Variants in REN observed in about 807,000 individuals in gnomAD.
REN encodes renin.
Under a neutral mutation model 48.6 loss-of-function variants are expected in REN, and 42 were observed. The observed-to-expected ratio is 0.86, with a 90% CI of 0.68 to 1.12. REN has a LOEUF of 1.12. REN is among the 50% of genes most tolerant of loss of function. REN has a pLI of 0.00. For missense variants in REN, 443 were observed against 527.3 expected, an observed-to-expected ratio of 0.84 and a Z score of 1.57; for synonymous variants, 196 against 204.6, an observed-to-expected ratio of 0.96 and a Z score of 0.36.
In REN at chr1:204,155,847, C is replaced by G; in HGVS notation, c.1032G>C (p.Thr344=). 1 of 1,614,034 alleles carries G rather than the reference C, an allele frequency of 6.2e-7. No individual in the cohort carries two copies. Among genetic ancestry groups the G allele is most frequent in the Non-Finnish European group, 8.5e-7 (1 of 1,179,982 alleles). Reference sequence around the variant, plus strand: ...GAAATACATAGTCCGCGCTGGTGAGCGTGTATTCTTTGCCTCCCAGGTGGA... The same window carrying G: ...GAAATACATAGTCCGCGCTGGTGAGGGTGTATTCTTTGCCTCCCAGGTGGA... ...ISFHLGGKEY[T]LTSADYVFQE... is the part of the protein sequence containing the mutation. Residue 344 remains threonine, a synonymous_variant, in exon 9 of 10, where the codon ACG becomes ACC. Transcript: ENST00000272190.
intron 1 of REN, among the ~76,000 whole-genome samples, chr1:204,164,744 T>C (rs551580721): frequency 1.3e-5 from 2 of 151,308 alleles, no homozygotes; most frequent in South Asian, 4.2e-4. Flanking sequence ...CTAATTTTTG[T>C]ATTTGTACAG....
chr1:204,161,386 G>A lies in REN; in HGVS notation c.279C>T (p.Gly93=). 1 of 1,599,292 alleles carries A rather than the reference G, an allele frequency of 6.3e-7. No individual in the cohort carries two copies. The highest frequency in any genetic ancestry group is 1.7e-5 in the Admixed American group (1 of 58,548). ...CGACTTTGAAGGTCTGGGGTGGGGT[G>A]CCGATGCCAATCTCGCCATAGTACT... ...DTQYYGEIGI[G]TPPQTFKVVF... Residue 93 remains glycine, a synonymous_variant, in exon 3 of 10, where the codon GGC becomes GGT. Transcript: ENST00000272190.
intron 1 of REN, among the ~76,000 whole-genome samples, chr1:204,165,208 T>A (rs551253498): frequency 9.2e-5 from 14 of 152,272 alleles, no homozygotes; most frequent in African/African-American, 3.4e-4. Context: ...TGACCTCGGG[T>A]GATCTGCCCC....
At position 204,154,840 on chromosome 1, in the gene REN, C is replaced by T; in HGVS notation, c.*176G>A. 1.4e-6 allele frequency: 1 copy of T among 708,138 alleles called. No homozygotes were observed. The allele number at this position is 708,138 out of a possible 1,614,324, so 43.9% of individuals were successfully genotyped here. On this transcript the variant is annotated 3_prime_UTR_variant, in exon 10 of 10. Coordinates refer to ENST00000272190, the MANE Select transcript of REN (RefSeq NM_000537.4). ...AGGCTGTGAACATGAAGTCTTTATT[C>T]TCTTTGTCCTCAAAGCAGGGAAGGG...
At chr1:204,160,744 G>T in intron 3 of REN, 66 bp from the exon 4 acceptor site, 2 of 1,144,640 alleles carry the variant, frequency 1.7e-6, no homozygotes, top group Non-Finnish European at 2.7e-6. Context: ...CAGAGGCAGG[G>T]TGCATTGTGG....
intron 1 of REN, among the ~76,000 whole-genome samples, chr1:204,165,617 G>A (rs1162190276): frequency 6.6e-6 from 1 of 151,124 alleles, no homozygotes; most frequent in African/African-American, 2.4e-5. Flanking sequence ...TTTTGAGATG[G>A]AGTCTTGTTC....
At chr1:204,165,704 C>T (rs6674952) in intron 1 of REN, among the ~76,000 whole-genome samples, 31,335 of 151,952 alleles carry the variant, frequency 0.21, 4,417 homozygotes, top group African/African-American at 0.41. Flanking sequence ...GATTCTCCTG[C>T]CTCAGCTTCC....
chr1:204,155,168 T>A lies in REN; in HGVS notation c.1069A>T (p.Ser357Cys). 2 of 1,614,138 alleles carry A rather than the reference T, an allele frequency of 1.2e-6. No individual in the cohort carries two copies. Among genetic ancestry groups the A allele is most frequent in the Non-Finnish European group, 1.7e-6 (2 of 1,179,978 alleles). Residue 357 changes from serine (S) to cysteine (C), a missense_variant, in exon 10 of 10, where the codon AGT becomes TGT. Coordinates refer to ENST00000272190, the MANE Select transcript of REN (RefSeq NM_000537.4). Reference protein sequence around the residue: ...SADYVFQESYSSKKLCTLAIH... With the variant: ...SADYVFQESYCSKKLCTLAIH... ...GCCAGTGTGCACAGCTTTTTACTAC[T>A]GTAGGATTCCTGGCAGGAAGGGGGA...
chr1:204,161,894 G>A, intron 2 of REN, 119 bp downstream of exon 2: 1 of 1,283,846 alleles, frequency 7.8e-7, no homozygotes, highest in South Asian at 1.4e-5. Flanking sequence ...GTGCTCACGT[G>A]CTACTCAGCG....
At chr1:204,162,239 C>A (rs1289471438) in intron 1 of REN, 76 bp from the exon 2 acceptor site, 8 of 1,541,224 alleles carry the variant, frequency 5.2e-6, no homozygotes, top group Non-Finnish European at 6.2e-6. Context: ...TGAGGCCAAA[C>A]CCCTGCTTTT....
rs1465331705 is a variant in REN, at chr1:204,162,013, G to GTT, written c.248_249insAA (p.Asp83GlufsTer89). On this transcript the variant is annotated frameshift_variant and splice_region_variant, in exon 2 of 10. Coordinates refer to ENST00000272190, the MANE Select transcript of REN (RefSeq NM_000537.4). LOFTEE classifies it high-confidence loss of function. ...GCGAGGGGCTGAGCCAAGCACTCAC[G>GTT]TCCATGTAGTTGGTGAGGATCACGG... 1.9e-6 allele frequency: 3 copies of GTT among 1,614,158 alleles called. No homozygotes were observed. Among genetic ancestry groups the GTT allele is most frequent in the Non-Finnish European group, 2.5e-6 (3 of 1,180,030 alleles).
In REN at chr1:204,156,892, CAG is replaced by C; in HGVS notation, c.699-98_699-97del. 6.7e-7 allele frequency: 1 copy of C among 1,492,780 alleles called. No individual in the cohort carries two copies. The highest frequency in any genetic ancestry group is 9.2e-7 in the Non-Finnish European group (1 of 1,081,838). The allele number at this position is 1,492,780 out of a possible 1,614,324, so 92.5% of individuals were successfully genotyped here. On this transcript the variant is annotated intron_variant, in intron 6 of 9. Coordinates refer to ENST00000272190, the MANE Select transcript of REN (RefSeq NM_000537.4). This position sits in a 1 kb window ranked among gnomAD's most constrained non-coding sequence, Gnocchi z 4.2. ...GGTTGCACAAGGGTGCAGGGGAGGA[CAG>C]AGGGCTCTAGAGCAGAGGAATGTGG...
At chr1:204,161,932 T>C in intron 2 of REN, 81 bp downstream of exon 2, 1 of 1,555,426 alleles carries the variant, frequency 6.4e-7, no homozygotes, top group Non-Finnish European at 8.8e-7. Flanking sequence ...TTGGAAAGGG[T>C]GAGTCTTGCA....
rs777006607 is a variant in REN, at chr1:204,156,123, C to A, written c.960+55G>T. The A allele has an allele frequency of 1.2e-6, 2 of 1,612,164 alleles. No homozygotes were observed. Among genetic ancestry groups the A allele is most frequent in the South Asian group, 1.1e-5 (1 of 90,966 alleles). ...TCATTTGCCTGGGGGATTTGTGAGCCGATACCAGGTGGCGCTCCCCCCACC... is the reference window on the plus strand; with the variant it reads ...TCATTTGCCTGGGGGATTTGTGAGCAGATACCAGGTGGCGCTCCCCCCACC... On this transcript the variant is annotated intron_variant, in intron 8 of 9. Transcript: ENST00000272190. This position sits in a 1 kb window ranked among gnomAD's most constrained non-coding sequence, Gnocchi z 4.2.
In REN at chr1:204,156,766, C is replaced by T; in HGVS notation, c.729G>A (p.Val243=). ...ENSQSLGGQI[V]LGGSDPQHYE... ...AATGCTGGGGGTCGCTGCCTCCCAG[C>T]ACAATCTGTCCTCCCAGCGATTGGG... The change falls in exon 7 of 10, where the codon GTG becomes GTA. Residue 243 remains valine, a synonymous_variant. Coordinates refer to ENST00000272190, the MANE Select transcript of REN (RefSeq NM_000537.4). The surrounding 1 kb of genome is among the most constrained non-coding windows in gnomAD (Gnocchi z 4.2). 1.2e-6 allele frequency: 2 copies of T among 1,614,096 alleles called. No individual in the cohort carries two copies. Among genetic ancestry groups the T allele is most frequent in the East Asian group, 2.2e-5 (1 of 44,876 alleles).
intron 4 of REN, 63 bp downstream of exon 4, chr1:204,160,497 G>T: frequency 9.1e-7 from 1 of 1,098,956 alleles, no homozygotes; most frequent in Non-Finnish European, 1.4e-6. Flanking sequence ...GGCCCTGGAG[G>T]GTCAGGAGAG....
At chr1:204,158,084 C>T (rs2102311894) in intron 5 of REN, among the ~76,000 whole-genome samples, 1 of 151,902 alleles carries the variant, frequency 6.6e-6, no homozygotes, top group Admixed American at 6.6e-5. Context: ...CCTTCCTCTT[C>T]TGCTTCTGGA....
Position 204,154,890 on chromosome 1 carries a change from T to C in REN, c.*126A>G, listed in dbSNP as rs1454425283. On this transcript the variant is annotated 3_prime_UTR_variant, in exon 10 of 10. Coordinates refer to ENST00000272190, the MANE Select transcript of REN (RefSeq NM_000537.4). ...GCTGGTGCAGGGGTCAGGGCACGCA[T>C]CCAGCAGGAGCTCCACATCCAATGT... The C allele has an allele frequency of 2.7e-6, 3 of 1,110,572 alleles. No homozygotes were observed. The highest frequency in any genetic ancestry group is 1.9e-5 in the Admixed American group (1 of 52,332). The allele number at this position is 1,110,572 out of a possible 1,614,324, so 68.8% of individuals were successfully genotyped here. A position where few individuals can be genotyped will look rare whatever the true frequency, so the allele number is the denominator to read the frequency against.
chr1:204,163,112 T>C (rs1247689696), intron 1 of REN, among the ~76,000 whole-genome samples: 1 of 152,192 alleles, frequency 6.6e-6, no homozygotes, highest in African/African-American at 2.4e-5. Context: ...AAGATGTCTC[T>C]AGCTGTTCAC....
Sources: allele counts gnomAD v4.1 joint callset (sites outside exome capture counted in the v4.1 genomes callset), GRCh38; gene constraint gnomAD v4.1.1; non-coding constraint Gnocchi (gnomAD v3.1); transcripts MANE v1.5; gene names NCBI Gene and HGNC (gene_info 2026-07-23, HGNC 2026-07-21).